The following ITGA9 variants were observed in gnomAD, a reference collection of about 807,000 sequenced individuals.
ITGA9 encodes integrin alpha-9.
Under a neutral mutation model 127.8 loss-of-function variants are expected in ITGA9, and 56 were observed. The ratio of observed to expected loss-of-function variants is 0.44; its 90% CI spans 0.35 to 0.55. ITGA9 has a LOEUF of 0.55. ITGA9 is among the 20% of genes least tolerant of loss of function. The pLI is 0.00. For missense variants in ITGA9, 1,196 were observed against 1,347.1 expected, an observed-to-expected ratio of 0.89 and a Z score of 1.76; for synonymous variants, 508 against 514.5, an observed-to-expected ratio of 0.99 and a Z score of 0.17.
Position 37,749,887 on chromosome 3 carries a change from A to G in ITGA9, c.2434-575A>G, listed in dbSNP as rs116473898. Among the ~76,000 whole-genome samples, 313 of 152,264 alleles carry G rather than the reference A, an allele frequency of 2.1e-3. 3 individuals are homozygous for G. The highest frequency in any genetic ancestry group is 4.9e-3 in the African/African-American group (202 of 41,536). On this transcript the variant is annotated intron_variant, in intron 22 of 27. Transcript: ENST00000264741. Reference sequence around the variant, plus strand: ...GTCCTTGAGGGCCTCAGTTACCTCAAACTGGCAAAGGAAAGAGGTTGGACC... The same window carrying G: ...GTCCTTGAGGGCCTCAGTTACCTCAGACTGGCAAAGGAAAGAGGTTGGACC...
At chr3:37,739,154 A>G (rs1161829258) in intron 20 of ITGA9, among the ~76,000 whole-genome samples, 1 of 152,216 alleles carries the variant, frequency 6.6e-6, no homozygotes, top group Non-Finnish European at 1.5e-5. Flanking sequence ...TGTGCACCTT[A>G]TATTTACCAG....
At chr3:37,673,230 C>T (rs1700653727) in intron 17 of ITGA9, among the ~76,000 whole-genome samples, 1 of 152,192 alleles carries the variant, frequency 6.6e-6, no homozygotes, top group African/African-American at 2.4e-5. Flanking sequence ...TTTCCTTGTC[C>T]AGAGTTCTCA....
rs191084828 is a variant in ITGA9, at chr3:37,572,285, A to G, written c.1689+29700A>G. On this transcript the variant is annotated intron_variant, in intron 15 of 27. Coordinates refer to ENST00000264741, the MANE Select transcript of ITGA9 (RefSeq NM_002207.3). ...GAGTGGCAGGATTATTATTAAGAGT[A>G]CTTTTTAAGTTCCCAACAATTAGAT... 3.6e-3 allele frequency among the ~76,000 whole-genome samples: 546 copies of G among 152,244 alleles called. 2 individuals carry two copies. Among genetic ancestry groups the G allele is most frequent in the Middle Eastern group, 0.017 (5 of 294 alleles).
Position 37,820,141 on chromosome 3 carries a change from G to A in ITGA9, c.*1152G>A, listed in dbSNP as rs1448938149. The A allele has an allele frequency of 6.6e-6, 1 of 152,260 alleles. No individual in the cohort carries two copies. The highest frequency in any genetic ancestry group is 1.5e-5 in the Non-Finnish European group (1 of 68,066). The allele number at this position is 152,260 out of a possible 1,614,324, so 9.4% of individuals were successfully genotyped here. A position where few individuals can be genotyped will look rare whatever the true frequency, so the allele number is the denominator to read the frequency against. ...AAGGAAGTATTCCCAGGGGATACCA[G>A]TAAGAGAGTGGGGGAAGCAGGACAA... On this transcript the variant is annotated 3_prime_UTR_variant, in exon 28 of 28. Coordinates refer to ENST00000264741, the MANE Select transcript of ITGA9 (RefSeq NM_002207.3).
chr3:37,458,869 G>A (rs1050626150), intron 1 of ITGA9, among the ~76,000 whole-genome samples: 2 of 152,238 alleles, frequency 1.3e-5, no homozygotes, highest in Non-Finnish European at 1.5e-5. Context: ...CACAGGTGAT[G>A]GATTTCAGAA....
At chr3:37,454,638 C>T (rs1698237114) in intron 1 of ITGA9, among the ~76,000 whole-genome samples, 1 of 152,210 alleles carries the variant, frequency 6.6e-6, no homozygotes, top group Non-Finnish European at 1.5e-5. Context: ...CATAGCTGTT[C>T]AGGCACCAAC....
intron 22 of ITGA9, 81 bp from the exon 23 acceptor site, chr3:37,750,381 C>G: frequency 1.1e-6 from 1 of 890,352 alleles, no homozygotes. Flanking sequence ...TTCAAAGAAT[C>G]TTAGAATATA....
chr3:37,750,485 C>A lies in ITGA9; in HGVS notation c.2457C>A (p.Thr819=). The A allele has an allele frequency of 6.2e-7, 1 of 1,613,490 alleles. No homozygotes were observed. Among genetic ancestry groups the A allele is most frequent in the Non-Finnish European group, 8.5e-7 (1 of 1,179,376 alleles). Residue 819 remains threonine, a synonymous_variant, in exon 23 of 28, where the codon ACC becomes ACA. Transcript: ENST00000264741. ...TLQVYNTGPS[T]LPGSSVSISF... ...AGGTCTACAACACTGGCCCAAGCAC[C>A]CTTCCAGGGTCATCTGTCAGCATCT... is the stretch of plus-strand genomic sequence containing the variant.
chr3:37,760,743 T>C (rs951990630), intron 23 of ITGA9, among the ~76,000 whole-genome samples: 3 of 152,168 alleles, frequency 2.0e-5, no homozygotes, highest in African/African-American at 7.2e-5. Context: ...TCATAATCTT[T>C]AGATGGGAAG....
chr3:37,624,740 G>A (rs1700160889), intron 15 of ITGA9, among the ~76,000 whole-genome samples: 1 of 152,138 alleles, frequency 6.6e-6, no homozygotes, highest in Admixed American at 6.5e-5. Context: ...CTGAGTAGCT[G>A]GGATTATAGG....
chr3:37,471,491 A>C (rs922246870), intron 2 of ITGA9, among the ~76,000 whole-genome samples: 2 of 152,140 alleles, frequency 1.3e-5, no homozygotes, highest in African/African-American at 4.8e-5. Context: ...AAGGATGCGT[A>C]GTCGTTAGCT....
Position 37,526,034 on chromosome 3 carries a change from G to T in ITGA9, c.1336G>T (p.Val446Phe). 6.2e-7 allele frequency: 1 copy of T among 1,614,078 alleles called. No individual in the cohort carries two copies. ...MDGNGYPDVT[V>F]GAFMSDSVVL... Reference sequence around the variant, plus strand: ...AAACTTCTCATTTTCAGATGTCACTGTTGGAGCCTTCATGTCCGACAGCGT... The same window carrying T: ...AAACTTCTCATTTTCAGATGTCACTTTTGGAGCCTTCATGTCCGACAGCGT... The change falls in exon 13 of 28, where the codon GTT (valine) becomes TTT (phenylalanine). Residue 446 changes from valine to phenylalanine, a missense_variant. Physicochemically the swap from Val to Phe is conservative, Grantham distance 50 (BLOSUM62 -1). Coordinates refer to ENST00000264741, the MANE Select transcript of ITGA9 (RefSeq NM_002207.3).
intron 1 of ITGA9, among the ~76,000 whole-genome samples, chr3:37,462,880 C>T (rs549531980): frequency 2.0e-5 from 3 of 152,264 alleles, no homozygotes; most frequent in African/African-American, 7.2e-5. Flanking sequence ...TGTTATTATC[C>T]TTGTTTTACA....
chr3:37,463,201 G>A (rs539892387), intron 1 of ITGA9, among the ~76,000 whole-genome samples: 7 of 152,336 alleles, frequency 4.6e-5, no homozygotes, highest in South Asian at 2.1e-4. Flanking sequence ...TCCAGATTCC[G>A]TCAGAAGTGG....
intron 18 of ITGA9, among the ~76,000 whole-genome samples, chr3:37,705,801 G>A (rs1337634547): frequency 6.6e-6 from 1 of 152,166 alleles, no homozygotes; most frequent in Non-Finnish European, 1.5e-5. Context: ...CATGCATACT[G>A]AGCATCTGAG....
chr3:37,736,276 T>C (rs1301840849), intron 19 of ITGA9, among the ~76,000 whole-genome samples: 1 of 152,080 alleles, frequency 6.6e-6, no homozygotes, highest in Non-Finnish European at 1.5e-5. Flanking sequence ...TTTTCAATAG[T>C]CTTCCAATCC....
chr3:37,611,660 G>A (rs1166175627), intron 15 of ITGA9, among the ~76,000 whole-genome samples: 1 of 152,146 alleles, frequency 6.6e-6, no homozygotes, highest in African/African-American at 2.4e-5. Context: ...ACTGTGGTTT[G>A]AGTAACTTGG....
chr3:37,506,262 CAATT>C (rs984696771), intron 7 of ITGA9, among the ~76,000 whole-genome samples, 177 bp downstream of exon 7: 2 of 152,068 alleles, frequency 1.3e-5, no homozygotes, highest in African/African-American at 4.8e-5. Context: ...CTTGAAAGCT[CAATT>C]AGAGTGTGAG....
Position 37,806,069 on chromosome 3 carries a change from T to C in ITGA9, c.3009+2127T>C, listed in dbSNP as rs1697292259. 1.3e-5 allele frequency: 2 copies of C among 152,242 alleles called. No homozygotes were observed. Among genetic ancestry groups the C allele is most frequent in the Non-Finnish European group, 2.9e-5 (2 of 68,036 alleles). 9.4% of individuals were successfully genotyped at this position (152,242 alleles called of 1,614,324 possible). ...ATCAGAAATGTCTGTTTGCCAATAG[T>C]GGATGTTACCTTTTAAAAACAATCT... On this transcript the variant is annotated intron_variant, in intron 27 of 27. Transcript: ENST00000264741. This position sits in a 1 kb window ranked among gnomAD's most constrained non-coding sequence, Gnocchi z 4.3.
Sources: gnomAD v4.1 joint callset for allele counts (sites outside exome capture counted in the v4.1 genomes callset) on GRCh38, gnomAD v4.1.1 for gene constraint, Gnocchi (gnomAD v3.1) non-coding constraint, MANE v1.5 for transcripts, NCBI Gene and HGNC (gene_info 2026-07-23, HGNC 2026-07-21) for gene names.